ARHGAP24: variants seen among roughly 807,000 people sequenced by gnomAD.
ARHGAP24 encodes Rho GTPase activating protein 24.
ARHGAP24 carries 50 observed loss-of-function variants against 76.4 expected under a neutral mutation model. The observed-to-expected ratio is 0.65, with a 90% CI of 0.52 to 0.83. The LOEUF (loss-of-function observed/expected upper bound fraction) is 0.83, where lower values mean the gene tolerates loss of function less well. Among genes scored for constraint, ARHGAP24 ranks in the 40% least tolerant of loss-of-function variants. ARHGAP24 has a pLI of 0.00. For synonymous variants in ARHGAP24, 345 were observed against 323.3 expected, an observed-to-expected ratio of 1.07 and a Z score of -0.72; for missense variants, 930 against 914.2, an observed-to-expected ratio of 1.02 and a Z score of -0.22.
At chr4:85,818,640 C>T (rs1034262828) in intron 3 of ARHGAP24, among the ~76,000 whole-genome samples, 8 of 152,152 alleles carry the variant, frequency 5.3e-5, no homozygotes, top group Non-Finnish European at 8.8e-5. Flanking sequence ...CTTTTAAATG[C>T]GTCCCTCTGC....
chr4:85,959,682 T>G (rs1359238235), intron 5 of ARHGAP24, among the ~76,000 whole-genome samples: 1 of 152,186 alleles, frequency 6.6e-6, no homozygotes, highest in Admixed American at 6.5e-5. Flanking sequence ...AGCTTTTGTG[T>G]AGAGATATGT....
chr4:85,665,423 G>T (rs1333215361), intron 2 of ARHGAP24, among the ~76,000 whole-genome samples: 4 of 152,064 alleles, frequency 2.6e-5, no homozygotes, highest in African/African-American at 9.7e-5. Context: ...CACGTGAGAT[G>T]GGTATCCTGA....
At chr4:85,975,366 T>G (rs773876533) in intron 7 of ARHGAP24, 2 of 177,942 alleles carry the variant, frequency 1.1e-5, no homozygotes, top group African/African-American at 4.8e-5. Context: ...AGGGTCCTAA[T>G]AGGTAAAATG....
chr4:85,955,508 G>A (rs937511168), intron 5 of ARHGAP24, among the ~76,000 whole-genome samples: 1 of 152,172 alleles, frequency 6.6e-6, no homozygotes, highest in African/African-American at 2.4e-5. Flanking sequence ...TTTCATGCCT[G>A]TCTCTTAAAT....
At chr4:85,547,769 G>T (rs1725975112) in intron 1 of ARHGAP24, among the ~76,000 whole-genome samples, 1 of 152,078 alleles carries the variant, frequency 6.6e-6, no homozygotes, top group Non-Finnish European at 1.5e-5. Flanking sequence ...TGTCTGCCAG[G>T]TTTCTCCACA....
At chr4:85,821,038 C>G (rs1044304826) in intron 3 of ARHGAP24, among the ~76,000 whole-genome samples, 1 of 151,832 alleles carries the variant, frequency 6.6e-6, no homozygotes, top group Middle Eastern at 3.4e-3. Flanking sequence ...GGAGGTACAA[C>G]TAAAAATGCT....
At chr4:85,556,668 G>A (rs116736411) in intron 1 of ARHGAP24, among the ~76,000 whole-genome samples, 13 of 152,324 alleles carry the variant, frequency 8.5e-5, no homozygotes, top group African/African-American at 2.9e-4. Context: ...GCACTGCCGA[G>A]TGAAGGGTAG....
chr4:85,896,182 C>A (rs1578358578), intron 3 of ARHGAP24, among the ~76,000 whole-genome samples: 2 of 152,298 alleles, frequency 1.3e-5, no homozygotes, highest in East Asian at 3.9e-4. Flanking sequence ...TGAAAGGATG[C>A]AGTTGCAACA....
chr4:85,669,014 A>G (rs1578126526), intron 2 of ARHGAP24, among the ~76,000 whole-genome samples: 1 of 152,206 alleles, frequency 6.6e-6, no homozygotes, highest in African/African-American at 2.4e-5. Flanking sequence ...TATTCTCATT[A>G]TGTGCCTTTG....
chr4:85,666,964 G>A (rs1722646391), intron 2 of ARHGAP24, among the ~76,000 whole-genome samples: 1 of 152,224 alleles, frequency 6.6e-6, no homozygotes, highest in Non-Finnish European at 1.5e-5. Context: ...CCCACTTGAG[G>A]AGGCAGTCTG....
intron 1 of ARHGAP24, among the ~76,000 whole-genome samples, chr4:85,506,158 C>T (rs1724039865): frequency 6.6e-6 from 1 of 152,202 alleles, no homozygotes; most frequent in Non-Finnish European, 1.5e-5. Context: ...TGTCTGTTGG[C>T]CCCTACTGGG....
In ARHGAP24 at chr4:85,614,833, A is replaced by G. The variant is rs1400998026; in HGVS notation, c.180+44112A>G. The stretch of plus-strand genomic sequence containing the variant: ...AGTAATCATCCTATATAACCCTGAC[A>G]TTATTAAAATTGCTCATAGATCCTG... On this transcript the variant is annotated intron_variant, in intron 2 of 9. Transcript: ENST00000395184. Among the ~76,000 whole-genome samples, 5 of 152,234 alleles carry G rather than the reference A, an allele frequency of 3.3e-5. No homozygotes were observed. The East Asian group carries it at 5.8e-4, about 18-fold the overall frequency.
At chr4:85,510,080 C>G (rs1267667411) in intron 1 of ARHGAP24, among the ~76,000 whole-genome samples, 1 of 152,084 alleles carries the variant, frequency 6.6e-6, no homozygotes, top group East Asian at 1.9e-4. Context: ...TGAGAGTGAT[C>G]AAGTATTGCA....
chr4:85,534,880 A>G (rs767194249), intron 1 of ARHGAP24, among the ~76,000 whole-genome samples: 6 of 151,706 alleles, frequency 4.0e-5, no homozygotes, highest in Admixed American at 6.6e-5. Flanking sequence ...CCAACTCAAA[A>G]GACACCTGGC....
intron 2 of ARHGAP24, among the ~76,000 whole-genome samples, chr4:85,716,495 C>G (rs1724737904): frequency 6.6e-6 from 1 of 152,070 alleles, no homozygotes; most frequent in Non-Finnish European, 1.5e-5. Flanking sequence ...GCCATATGTG[C>G]TGAACTCTTA....
At chr4:85,753,904 G>C (rs1726368007) in intron 3 of ARHGAP24, among the ~76,000 whole-genome samples, 1 of 152,096 alleles carries the variant, frequency 6.6e-6, no homozygotes, top group African/African-American at 2.4e-5. Context: ...CTTTGTGTTG[G>C]AAACATTACA....
At chr4:85,728,599 A>G (rs1725269550) in intron 3 of ARHGAP24, among the ~76,000 whole-genome samples, 1 of 152,186 alleles carries the variant, frequency 6.6e-6, no homozygotes, top group African/African-American at 2.4e-5. Flanking sequence ...TTACAGAAGA[A>G]CTTTTCCTGG....
chr4:85,553,236 C>G (rs1174066326), intron 1 of ARHGAP24, among the ~76,000 whole-genome samples: 1 of 152,102 alleles, frequency 6.6e-6, no homozygotes, highest in African/African-American at 2.4e-5. Flanking sequence ...TGAGCAGCAG[C>G]AAGAGTTACT....
At chr4:85,633,801 G>A (rs912580079) in intron 2 of ARHGAP24, among the ~76,000 whole-genome samples, 1 of 151,866 alleles carries the variant, frequency 6.6e-6, no homozygotes, top group East Asian at 1.9e-4. Context: ...TCGGGAGCCT[G>A]ATTTCTCCTC....
Sources: gnomAD v4.1 joint callset for allele counts (sites outside exome capture counted in the v4.1 genomes callset) on GRCh38, gnomAD v4.1.1 for gene constraint, MANE v1.5 for transcripts, NCBI Gene and HGNC (gene_info 2026-07-23, HGNC 2026-07-21) for gene names.